Variants in RPA1 observed in about 807,000 individuals in gnomAD.
RPA1 encodes replication protein A1, also known as replication protein A 70 kDa DNA-binding subunit.
In RPA1, 49 loss-of-function variants were observed where a neutral mutation model predicts 83.0. The observed-to-expected ratio is 0.59, with a 90% CI of 0.47 to 0.75. The LOEUF is 0.75. Ranked by LOEUF, RPA1 falls within the 30% of genes least tolerant of loss-of-function variation. The pLI, the probability that RPA1 is intolerant of heterozygous loss-of-function variation, is 0.00. For synonymous variants in RPA1, 279 were observed against 281.8 expected (o/e 0.99, Z 0.10); for missense variants, 693 against 776.1 (o/e 0.89, Z 1.27).
chr17:1,856,497 G>T (rs1188244550), intron 5 of RPA1, among the ~76,000 whole-genome samples: 2 of 151,984 alleles, frequency 1.3e-5, no homozygotes. Flanking sequence ...CACTCGTGAG[G>T]CTGAGGCAGG....
At chr17:1,864,230 G>C (rs1913093826) in intron 5 of RPA1, among the ~76,000 whole-genome samples, 1 of 152,178 alleles carries the variant, frequency 6.6e-6, no homozygotes, top group South Asian at 2.1e-4. Context: ...CTAATTCACT[G>C]TCTTAATTTA....
At chr17:1,865,608 C>A (rs1182721234) in intron 5 of RPA1, among the ~76,000 whole-genome samples, 1 of 152,104 alleles carries the variant, frequency 6.6e-6, no homozygotes, top group Non-Finnish European at 1.5e-5. Context: ...CTTACTCCTA[C>A]CCTTGCCGCC....
rs57659628 is a variant in RPA1, at chr17:1,886,705, CTTTT to C, written c.1375-1954_1375-1951del. 9.7e-3 allele frequency among the ~76,000 whole-genome samples: 1,216 copies of C among 125,420 alleles called. 17 individuals are homozygous for C. The highest frequency in any genetic ancestry group is 0.034 in the African/African-American group (1,136 of 32,982). The allele number at this position is 125,420 out of a possible 152,430, so 82.3% of individuals were successfully genotyped here. A position where few individuals can be genotyped will look rare whatever the true frequency, so the allele number is the denominator to read the frequency against. On this transcript the variant is annotated intron_variant, in intron 13 of 16. Transcript: ENST00000254719. ...CTGGCTGCCATCTTTTCTTCTGCAG[CTTTT>C]TTTTTTTTTTTTTTTGAGACAGAGT... is the stretch of plus-strand genomic sequence containing the variant.
chr17:1,858,049 G>A, intron 5 of RPA1: 1 of 1,612,398 alleles, frequency 6.2e-7, no homozygotes, highest in South Asian at 1.1e-5. Context: ...TCACATGGCT[G>A]CCAGCCCCAT....
chr17:1,887,879 C>T (rs1042960871), intron 13 of RPA1, among the ~76,000 whole-genome samples: 4 of 152,026 alleles, frequency 2.6e-5, no homozygotes, highest in African/African-American at 9.7e-5. Context: ...GGCGACAGAG[C>T]GAGACTCTGT....
At chr17:1,852,003 A>G (rs1912514269) in intron 4 of RPA1, among the ~76,000 whole-genome samples, 1 of 152,250 alleles carries the variant, frequency 6.6e-6, no homozygotes, top group Admixed American at 6.5e-5. Context: ...TATTGCTTAA[A>G]TATTGCCCTA....
At chr17:1,867,212 A>G (rs944962960) in intron 5 of RPA1, among the ~76,000 whole-genome samples, 2 of 152,138 alleles carry the variant, frequency 1.3e-5, no homozygotes, top group African/African-American at 2.4e-5. Context: ...TCACATTCTC[A>G]GCTTTCAGGA....
chr17:1,880,954 A>G (rs1913770059), intron 12 of RPA1, among the ~76,000 whole-genome samples: 1 of 152,188 alleles, frequency 6.6e-6, no homozygotes, highest in Non-Finnish European at 1.5e-5. Context: ...GATCCTGCCA[A>G]AGGAGGGGAC....
intron 4 of RPA1, among the ~76,000 whole-genome samples, chr17:1,852,846 A>G (rs2151274997): frequency 6.6e-6 from 1 of 152,342 alleles, no homozygotes; most frequent in Non-Finnish European, 1.5e-5. Flanking sequence ...CTAAATTCTT[A>G]CCATGTCGGT....
intron 14 of RPA1, among the ~76,000 whole-genome samples, chr17:1,890,409 T>C (rs906517412): frequency 2.5e-4 from 37 of 150,964 alleles, no homozygotes; most frequent in Non-Finnish European, 2.9e-5. Flanking sequence ...ACGCCTGTAA[T>C]CCCAGCACTT....
At chr17:1,859,497 A>G (rs1432364092) in intron 5 of RPA1, among the ~76,000 whole-genome samples, 1 of 152,194 alleles carries the variant, frequency 6.6e-6, no homozygotes, top group East Asian at 1.9e-4. Context: ...AAATATCTAT[A>G]TAATTTAGAA....
chr17:1,832,512 A>G (rs1911657926), intron 1 of RPA1, among the ~76,000 whole-genome samples: 1 of 151,474 alleles, frequency 6.6e-6, no homozygotes, highest in African/African-American at 2.4e-5. Flanking sequence ...TCAGCCTCCC[A>G]GGTAGCTGAG....
chr17:1,869,299 GA>G (rs144624575), intron 5 of RPA1, among the ~76,000 whole-genome samples: 9,626 of 152,308 alleles, frequency 0.063, 425 homozygotes, highest in Middle Eastern at 0.14. Context: ...CACTTTGGGA[GA>G]TTGAGGTGGG....
intron 13 of RPA1, among the ~76,000 whole-genome samples, chr17:1,887,942 T>C (rs1914056947): frequency 6.6e-6 from 1 of 152,146 alleles, no homozygotes; most frequent in African/African-American, 2.4e-5. Flanking sequence ...AGAATTACTG[T>C]CTTTATGTGA....
intron 1 of RPA1, among the ~76,000 whole-genome samples, chr17:1,839,952 C>A (rs926633244): frequency 6.6e-6 from 1 of 151,448 alleles, no homozygotes; most frequent in Non-Finnish European, 1.5e-5. Context: ...GCCACCACAC[C>A]CAACTACTTT....
intron 4 of RPA1, among the ~76,000 whole-genome samples, chr17:1,852,047 C>G (rs1232810799): frequency 6.6e-6 from 1 of 152,206 alleles, no homozygotes; most frequent in Non-Finnish European, 1.5e-5. Context: ...CCACTAACCT[C>G]ATTCAGGCCT....
intron 1 of RPA1, among the ~76,000 whole-genome samples, chr17:1,831,252 G>A (rs1911561489): frequency 6.6e-6 from 1 of 152,156 alleles, no homozygotes; most frequent in Admixed American, 6.6e-5. Flanking sequence ...TGGGCCTCTT[G>A]ATCCCTATCT....
At chr17:1,855,469 C>T (rs989892084) in intron 5 of RPA1, among the ~76,000 whole-genome samples, 15 of 152,098 alleles carry the variant, frequency 9.9e-5, no homozygotes, top group Non-Finnish European at 1.6e-4. Flanking sequence ...GATTACATTG[C>T]GCTCAGCCAC....
intron 1 of RPA1, among the ~76,000 whole-genome samples, chr17:1,836,625 T>A (rs754222880): frequency 3.3e-5 from 5 of 151,990 alleles, no homozygotes; most frequent in Non-Finnish European, 7.4e-5. Flanking sequence ...ATAAATGGAA[T>A]CAAATAATAT....
Sources: allele counts gnomAD v4.1 joint callset (sites outside exome capture counted in the v4.1 genomes callset), GRCh38; gene constraint gnomAD v4.1.1; transcripts MANE v1.5; gene names NCBI Gene and HGNC (gene_info 2026-07-23, HGNC 2026-07-21).